NUP37: variants seen among roughly 807,000 people sequenced by gnomAD.
NUP37 encodes nucleoporin Nup37.
Under a neutral mutation model 45.4 loss-of-function variants are expected in NUP37, and 33 were observed. The observed-to-expected ratio is 0.73, with a 90% confidence interval of 0.55 to 0.97. The LOEUF (loss-of-function observed/expected upper bound fraction) is 0.97. Among genes scored for constraint, NUP37 ranks in the 50% least tolerant of loss-of-function variants. NUP37 has a pLI of 0.00. For synonymous variants in NUP37, 127 were observed against 130.7 expected (o/e 0.97, Z 0.19); for missense variants, 365 against 389.7 (o/e 0.94, Z 0.53).
intron 3 of NUP37, among the ~76,000 whole-genome samples, chr12:102,107,256 C>T (rs1880181224): frequency 6.6e-6 from 1 of 152,160 alleles, no homozygotes. Flanking sequence ...TAATCCCCTC[C>T]TATGCTGCAT....
chr12:102,112,800 T>C (rs1401733484), intron 2 of NUP37, among the ~76,000 whole-genome samples: 1 of 152,262 alleles, frequency 6.6e-6, no homozygotes, highest in Non-Finnish European at 1.5e-5. Context: ...TCAAAGTCTT[T>C]ATAATCAGTG....
intron 3 of NUP37, among the ~76,000 whole-genome samples, chr12:102,104,529 T>A (rs1880069726): frequency 1.3e-5 from 2 of 152,170 alleles, no homozygotes; most frequent in Non-Finnish European, 2.9e-5. Flanking sequence ...TTATCAAAAC[T>A]AAGAAAAAAC....
At chr12:102,079,271 T>G in intron 6 of NUP37, 1 of 455,434 alleles carries the variant, frequency 2.2e-6, no homozygotes, top group Non-Finnish European at 4.4e-6. Context: ...ATGGCTAAAA[T>G]GTGACTGTTC....
At chr12:102,113,688 T>C (rs147209030) in intron 2 of NUP37, among the ~76,000 whole-genome samples, 1 of 152,272 alleles carries the variant, frequency 6.6e-6, no homozygotes, top group East Asian at 1.9e-4. Flanking sequence ...TTTATAAAAG[T>C]GTATGGTATT....
intron 5 of NUP37, among the ~76,000 whole-genome samples, chr12:102,086,451 C>T (rs1879474152): frequency 6.6e-6 from 1 of 152,096 alleles, no homozygotes; most frequent in Admixed American, 6.6e-5. Context: ...GTTTTCTCTC[C>T]CCAAGCTGGC....
Position 102,099,189 on chromosome 12 carries a change from G to C in NUP37, c.366C>G (p.Gly122=). ...QDKNEYKVLE[G]HTDFINGLVF... The stretch of plus-strand genomic sequence containing the variant: ...CCAAACCATTAATGAAATCGGTATG[G>C]CCCTCTAAAACCTGACAGAAAGAGA... The change falls in exon 5 of 10, where the codon GGC becomes GGG. Residue 122 remains glycine, a synonymous_variant. Coordinates refer to ENST00000552283, the MANE Select transcript of NUP37 (RefSeq NM_024057.4). The C allele has an allele frequency of 6.2e-7, 1 of 1,611,148 alleles. No individual in the cohort carries two copies. Among genetic ancestry groups the C allele is most frequent in the Non-Finnish European group, 8.5e-7 (1 of 1,177,432 alleles).
chr12:102,078,867 TTATAA>T (rs1306484978), intron 6 of NUP37, among the ~76,000 whole-genome samples: 2 of 152,222 alleles, frequency 1.3e-5, no homozygotes, highest in Non-Finnish European at 2.9e-5. Flanking sequence ...CACAAATTAA[TTATAA>T]TATAAATTCC....
chr12:102,100,698 T>A (rs950108925), intron 4 of NUP37, among the ~76,000 whole-genome samples: 1 of 152,200 alleles, frequency 6.6e-6, no homozygotes, highest in African/African-American at 2.4e-5. Flanking sequence ...TTTGTTCCCA[T>A]GAAGTTCAAC....
At chr12:102,089,580 G>A (rs374683270) in intron 5 of NUP37, among the ~76,000 whole-genome samples, 25 of 149,270 alleles carry the variant, frequency 1.7e-4, no homozygotes, top group African/African-American at 4.7e-4. Context: ...GCCGGGCAGA[G>A]GCACTCCTCA....
intron 2 of NUP37, among the ~76,000 whole-genome samples, chr12:102,116,829 G>A (rs576064355): frequency 2.0e-5 from 3 of 151,740 alleles, no homozygotes; most frequent in Non-Finnish European, 2.9e-5. Flanking sequence ...GTGAAACCCC[G>A]TCTCTACTAA....
intron 6 of NUP37, among the ~76,000 whole-genome samples, chr12:102,084,916 T>C (rs10083092): frequency 0.3 from 46,067 of 152,006 alleles, 7,354 homozygotes; most frequent in East Asian, 0.42. Flanking sequence ...CTCCTAACTT[T>C]CCAATGAATC....
intron 7 of NUP37, 85 bp downstream of exon 7, chr12:102,077,237 G>T: frequency 7.3e-7 from 1 of 1,362,110 alleles, no homozygotes; most frequent in Non-Finnish European, 1.0e-6. Flanking sequence ...ATAGTCTCAG[G>T]TATAACAGGA....
chr12:102,074,625 T>A, intron 9 of NUP37, 158 bp from the exon 10 acceptor site: 1 of 567,504 alleles, frequency 1.8e-6, no homozygotes, highest in East Asian at 2.9e-5. Flanking sequence ...ACATTATTGA[T>A]ACGCAGCTGA....
chr12:102,113,100 T>A (rs1380643777), intron 2 of NUP37, among the ~76,000 whole-genome samples: 1 of 152,110 alleles, frequency 6.6e-6, no homozygotes, highest in Non-Finnish European at 1.5e-5. Context: ...ACCTGAAAAG[T>A]TCTCCCATTA....
At chr12:102,119,678 C>G (rs745837774) in intron 1 of NUP37, among the ~76,000 whole-genome samples, 2 of 152,090 alleles carry the variant, frequency 1.3e-5, no homozygotes, top group Admixed American at 6.6e-5. Context: ...GGACTGGAGA[C>G]TTTTGAAGGG....
chr12:102,077,547 C>T, intron 6 of NUP37, 44 bp from the exon 7 acceptor site: 1 of 1,527,866 alleles, frequency 6.5e-7, no homozygotes, highest in Non-Finnish European at 8.9e-7. Flanking sequence ...ACTTATCTCA[C>T]TAACTATACC....
chr12:102,077,478 G>A lies in NUP37; in HGVS notation c.566C>T (p.Thr189Ile), dbSNP rs748048601. 11 of 1,613,346 alleles carry A rather than the reference G, an allele frequency of 6.8e-6. No homozygotes were observed. The highest frequency in any genetic ancestry group is 1.6e-4 in the Middle Eastern group (1 of 6,076). The change falls in exon 7 of 10, where the codon ACA (threonine) becomes ATA (isoleucine). Residue 189 changes from threonine to isoleucine, a missense_variant. By Grantham distance (89) the Thr-to-Ile change is moderately conservative (BLOSUM62 -1). Transcript: ENST00000552283. ...GGCCAAAAGATCATAAAACCGGATTGTTCCATTCTTCTCTGCAACCATTAG... is the reference window on the plus strand; with the variant it reads ...GGCCAAAAGATCATAAAACCGGATTATTCCATTCTTCTCTGCAACCATTAG... ...FKLMVAEKNG[T>I]IRFYDLLAQQ...
At position 102,078,049 on chromosome 12, in the gene NUP37, C is replaced by T. The variant is rs564148331; in HGVS notation, c.541-546G>A. 2.2e-3 allele frequency among the ~76,000 whole-genome samples: 336 copies of T among 151,958 alleles called. 2 individuals carry two copies. The highest frequency in any genetic ancestry group is 3.9e-3 in the Non-Finnish European group (265 of 67,954). ...CAAGATAAACAATTCAAGATTTGGC[C>T]GGGTGTGGTGGCTCACGCTTGTAAT... On this transcript the variant is annotated intron_variant, in intron 6 of 9. Transcript: ENST00000552283.
At chr12:102,110,002 G>A (rs1345098043) in intron 3 of NUP37, among the ~76,000 whole-genome samples, 1 of 152,180 alleles carries the variant, frequency 6.6e-6, no homozygotes, top group Admixed American at 6.5e-5. Flanking sequence ...GACATTACGT[G>A]TGCTGACAAA....
Sources: allele counts gnomAD v4.1 joint callset (sites outside exome capture counted in the v4.1 genomes callset), GRCh38; gene constraint gnomAD v4.1.1; transcripts MANE v1.5; gene names NCBI Gene and HGNC (gene_info 2026-07-23, HGNC 2026-07-21).